ZNF160: variants seen among roughly 807,000 people sequenced by gnomAD.
ZNF160 encodes KRAB zinc finger protein KR18.
A neutral mutation model predicts 13.1 loss-of-function variants in ZNF160; 9 were observed. That is an observed-to-expected ratio of 0.69 (90% CI 0.41 to 1.20). The LOEUF (loss-of-function observed/expected upper bound fraction) is 1.20, where lower values mean the gene tolerates loss of function less well. ZNF160 is among the 50% of genes most tolerant of loss of function. The pLI is 0.01. For synonymous variants in ZNF160, 293 were observed against 333.2 expected, an observed-to-expected ratio of 0.88 and a Z score of 1.31; for missense variants, 838 against 988.0, an observed-to-expected ratio of 0.85 and a Z score of 2.04.
At position 53,092,382 on chromosome 19, in the gene ZNF160, C is replaced by G. The variant is rs2085068490; in HGVS notation, c.-353-662G>C. On this transcript the variant is annotated intron_variant, in intron 1 of 5. Coordinates refer to ENST00000683776, the MANE Select transcript of ZNF160 (RefSeq NM_001322131.2). ...CTAGAGTGCAATGGCGCAATCTTGG[C>G]TCATTGCAACCTCTGCCTCCTGGGT... Among the ~76,000 whole-genome samples, 3 of 152,078 alleles carry G rather than the reference C, an allele frequency of 2.0e-5. No individual in the cohort carries two copies. In the South Asian group the frequency reaches 6.2e-4, roughly 32 times the overall value.
At position 53,068,418 on chromosome 19, in the gene ZNF160, G is replaced by T. The variant is rs754369652; in HGVS notation, c.2116C>A (p.Arg706=). The change falls in exon 6 of 6, where the codon CGA becomes AGA. Residue 706 remains arginine (R), a synonymous_variant. Transcript: ENST00000683776. ...QRTHTGEKPY[R]CNECGKAFSV... ...AAGGCTTTCCCACACTCATTGCATC[G>T]GTAAGGTTTCTCTCCGGTGTGAGTC... 6.2e-7 allele frequency: 1 copy of T among 1,606,944 alleles called. No homozygotes were observed. Among genetic ancestry groups the T allele is most frequent in the East Asian group, 2.3e-5 (1 of 44,388 alleles).
chr19:53,100,733 G>T (rs1478539127), intron 1 of ZNF160, among the ~76,000 whole-genome samples: 2 of 152,106 alleles, frequency 1.3e-5, no homozygotes, highest in Non-Finnish European at 2.9e-5. Flanking sequence ...AGTGGCTCAC[G>T]CCTGTAATCC....
rs1458683146 is a variant in ZNF160 at position 53,073,593 on chromosome 19, T to C, written c.271+547A>G. The C allele has an allele frequency of 2.1e-6, 3 of 1,456,238 alleles. No homozygotes were observed. The East Asian group carries it at 7.4e-5, about 36-fold the overall frequency. 90.2% of individuals were successfully genotyped at this position (1,456,238 alleles called of 1,614,324 possible). Reference sequence around the variant, plus strand: ...CTATGGAGGCTTCCCCTCTGACCCATATGGACTAAGAACTGAGCACCATAT... The same window carrying C: ...CTATGGAGGCTTCCCCTCTGACCCACATGGACTAAGAACTGAGCACCATAT... On this transcript the variant is annotated intron_variant, in intron 5 of 5. Transcript: ENST00000683776.
chr19:53,087,051 C>T (rs1488253450), intron 2 of ZNF160, among the ~76,000 whole-genome samples: 3 of 152,196 alleles, frequency 2.0e-5, no homozygotes, highest in African/African-American at 4.8e-5. Context: ...AGATCACAAA[C>T]GTTTCCACGG....
At chr19:53,090,655 G>A (rs1015645011) in intron 2 of ZNF160, among the ~76,000 whole-genome samples, 6 of 152,176 alleles carry the variant, frequency 3.9e-5, no homozygotes, top group Non-Finnish European at 8.8e-5. Flanking sequence ...CCATGCTTAT[G>A]AGGGGGAGGC....
intron 3 of ZNF160, among the ~76,000 whole-genome samples, chr19:53,079,524 T>A (rs1364261295): frequency 7.5e-6 from 1 of 133,318 alleles, no homozygotes; most frequent in Non-Finnish European, 1.5e-5. Context: ...CGCTCCAGCC[T>A]GAGCAACAAG....
intron 1 of ZNF160, among the ~76,000 whole-genome samples, chr19:53,097,343 A>C (rs147169476): frequency 0.061 from 9,031 of 148,162 alleles, 329 homozygotes; most frequent in Middle Eastern, 0.15. Flanking sequence ...CGCCCCCACA[A>C]CAAACCCTCC....
At chr19:53,090,330 C>T (rs1283951784) in intron 2 of ZNF160, among the ~76,000 whole-genome samples, 1 of 152,142 alleles carries the variant, frequency 6.6e-6, no homozygotes, top group African/African-American at 2.4e-5. Flanking sequence ...TCCAGTTGCT[C>T]CCTGCCCCAC....
Position 53,069,546 on chromosome 19 carries a change from T to G in ZNF160, c.988A>C (p.Thr330Pro), listed in dbSNP as rs745890777. The G allele has an allele frequency of 6.2e-7, 1 of 1,614,178 alleles. No homozygotes were observed. Among genetic ancestry groups the G allele is most frequent in the South Asian group, 1.1e-5 (1 of 91,084 alleles). Residue 330 changes from threonine to proline, a missense_variant, in exon 6 of 6, where the codon ACT becomes CCT. Physicochemically the swap from Thr to Pro is conservative, Grantham distance 38 (BLOSUM62 -1). Transcript: ENST00000683776. The surrounding 1 kb of genome is among the most constrained non-coding windows in gnomAD (Gnocchi z 4.4). ...KVFRHNSYLA[T>P]HRRIHTGEKP... ...TCTCCAGTATGAATTCGCCGATGAGTTGCAAGGTATGAATTGTGCCTGAAG... is the reference window on the plus strand; with the variant it reads ...TCTCCAGTATGAATTCGCCGATGAGGTGCAAGGTATGAATTGTGCCTGAAG...
chr19:53,073,459 G>A (rs753334139), intron 5 of ZNF160: 13 of 1,598,190 alleles, frequency 8.1e-6, no homozygotes, highest in Non-Finnish European at 1.0e-5. Context: ...TGAGGTTTGG[G>A]GCAGCAGATG....
Position 53,069,679 on chromosome 19 carries a change from G to GT in ZNF160, c.854dup (p.Tyr285Ter), listed in dbSNP as rs1281625951. 2 of 1,614,014 alleles carry GT rather than the reference G, an allele frequency of 1.2e-6. No homozygotes were observed. Among genetic ancestry groups the GT allele is most frequent in the African/African-American group, 2.7e-5 (2 of 74,928 alleles). ...HRRIHSGEKP[Y>*]KCSECGKTFT... ...AGGTTTTGCCGCACTCACTGCATTT[G>GT]TAAGGCTTCTCTCCACTATGAATTC... Residue 285 changes from tyrosine (Y) to a stop codon, truncating the protein, a stop_gained and frameshift_variant, in exon 6 of 6, where the codon TAC becomes TAAC. Transcript: ENST00000683776. LOFTEE classifies it low-confidence loss of function (END_TRUNC). This position sits in a 1 kb window ranked among gnomAD's most constrained non-coding sequence, Gnocchi z 4.4.
At chr19:53,087,087 T>C (rs111916664) in intron 2 of ZNF160, among the ~76,000 whole-genome samples, 1 of 152,146 alleles carries the variant, frequency 6.6e-6, no homozygotes, top group Non-Finnish European at 1.5e-5. Flanking sequence ...AACAAAGACC[T>C]CAGGAAGAAA....
In ZNF160 at chr19:53,069,531, G is replaced by A; in HGVS notation, c.1003C>T (p.His335Tyr). The A allele has an allele frequency of 6.2e-7, 1 of 1,614,164 alleles. No homozygotes were observed. Among genetic ancestry groups the A allele is most frequent in the Non-Finnish European group, 8.5e-7 (1 of 1,180,042 alleles). ...NSYLATHRRI[H>Y]TGEKPYKCNE... ...CACTTGTAAGGTTTCTCTCCAGTAT[G>A]AATTCGCCGATGAGTTGCAAGGTAT... The change falls in exon 6 of 6, where the codon CAT becomes TAT. Residue 335 changes from histidine (H) to tyrosine (Y), a missense_variant. Physicochemically the swap from His to Tyr is moderately conservative, Grantham distance 83. Transcript: ENST00000683776. This position sits in a 1 kb window ranked among gnomAD's most constrained non-coding sequence, Gnocchi z 4.4.
intron 2 of ZNF160, among the ~76,000 whole-genome samples, chr19:53,088,243 G>A (rs2084914593): frequency 6.6e-6 from 1 of 152,152 alleles, no homozygotes; most frequent in Admixed American, 6.5e-5. Context: ...CTACCGACAG[G>A]AAGAAAAAGA....
At chr19:53,075,974 A>G in intron 3 of ZNF160, 1 of 289,184 alleles carries the variant, frequency 3.5e-6, no homozygotes, top group Non-Finnish European at 7.0e-6. Flanking sequence ...AAATATGAGA[A>G]CACCCATTTG....
chr19:53,074,242 T>TA lies in ZNF160; in HGVS notation c.168dup (p.Ile57TyrfsTer39). 2 of 1,614,132 alleles carry TA rather than the reference T, an allele frequency of 1.2e-6. No individual in the cohort carries two copies. The highest frequency in any genetic ancestry group is 1.7e-6 in the Non-Finnish European group (2 of 1,179,994). On this transcript the variant is annotated frameshift_variant, in exon 5 of 6. Coordinates refer to ENST00000683776, the MANE Select transcript of ZNF160 (RefSeq NM_001322131.2). LOFTEE classifies it high-confidence loss of function. ...TCTTTCCCTTCCTCCAACATGGAGA[T>TA]AATATTCATATCAAAATGACACAGT...
rs548444112 is a variant in ZNF160 at position 53,094,505 on chromosome 19, C to T, written c.-353-2785G>A. On this transcript the variant is annotated intron_variant, in intron 1 of 5. Transcript: ENST00000683776. The stretch of plus-strand genomic sequence containing the variant: ...ACCATCCGCTGATGCCCCTGCACCC[C>T]TCCTGGTACCCTGAGCTAAGATGAG... 5.3e-5 allele frequency among the ~76,000 whole-genome samples: 8 copies of T among 152,286 alleles called. No individual in the cohort carries two copies. In the East Asian group the frequency reaches 7.7e-4, roughly 15 times the overall value.
intron 1 of ZNF160, chr19:53,095,589 T>C (rs867488991): frequency 6.6e-6 from 1 of 152,220 alleles, no homozygotes; most frequent in Non-Finnish European, 1.5e-5. Context: ...TCCCAGTTGG[T>C]GGCTGGTGTG....
rs149621354 is a variant in ZNF160 at position 53,069,308 on chromosome 19, C to T, written c.1226G>A (p.Arg409His). 3.7e-6 allele frequency: 6 copies of T among 1,613,860 alleles called. No individual in the cohort carries two copies. Among genetic ancestry groups the T allele is most frequent in the Non-Finnish European group, 5.1e-6 (6 of 1,179,908 alleles). The change falls in exon 6 of 6, where the codon CGT (arginine) becomes CAT (histidine). Residue 409 changes from arginine (R) to histidine (H), a missense_variant. By Grantham distance (29) the Arg-to-His change is conservative. Coordinates refer to ENST00000683776, the MANE Select transcript of ZNF160 (RefSeq NM_001322131.2). The surrounding 1 kb of genome is among the most constrained non-coding windows in gnomAD (Gnocchi z 4.4). ...CNECGKAFSVRSSLAIHQTIH... is the reference protein window; with the variant it reads ...CNECGKAFSVHSSLAIHQTIH... ...TGTCTGATGGATTGCTAGGCTTGAA[C>T]GAACACTAAAGGCTTTGCCGCACTC...
Sources: gnomAD v4.1 joint callset for allele counts (sites outside exome capture counted in the v4.1 genomes callset) on GRCh38, gnomAD v4.1.1 for gene constraint, Gnocchi (gnomAD v3.1) non-coding constraint, MANE v1.5 for transcripts, NCBI Gene and HGNC (gene_info 2026-07-23, HGNC 2026-07-21) for gene names.